The following CAPZA2 variants were observed in gnomAD, a reference collection of about 807,000 sequenced individuals.
CAPZA2 encodes the protein capping actin protein of muscle Z-line subunit alpha 2, also known as F-actin-capping protein subunit alpha-2.
Under a neutral mutation model 44.0 loss-of-function variants are expected in CAPZA2, and 13 were observed. The ratio of observed to expected loss-of-function variants is 0.30; its 90% CI spans 0.19 to 0.47. The LOEUF (loss-of-function observed/expected upper bound fraction) is 0.47, where lower values mean the gene tolerates loss of function less well. Ranked by LOEUF, CAPZA2 falls within the 20% of genes least tolerant of loss-of-function variation. The pLI is 1.00. For synonymous variants in CAPZA2, 94 were observed against 108.2 expected (o/e 0.87, Z 0.81); for missense variants, 244 against 338.6 (o/e 0.72, Z 2.19).
At chr7:116,890,799 AG>A (rs1376167264) in intron 2 of CAPZA2, among the ~76,000 whole-genome samples, 78 of 144,814 alleles carry the variant, frequency 5.4e-4, no homozygotes, top group African/African-American at 1.4e-3. Flanking sequence ...AAAAAAAAAA[AG>A]AGTTAGAAAA....
intron 2 of CAPZA2, 73 bp from the exon 3 acceptor site, chr7:116,892,921 C>A: frequency 9.2e-7 from 1 of 1,088,152 alleles, no homozygotes; most frequent in South Asian, 1.6e-5. Flanking sequence ...AATACATCAC[C>A]AAAACAATCT....
chr7:116,869,312 A>G (rs1005383655), intron 1 of CAPZA2, among the ~76,000 whole-genome samples: 1 of 152,228 alleles, frequency 6.6e-6, no homozygotes, highest in Admixed American at 6.5e-5. Context: ...TTGAGGATTA[A>G]GTATAGTTTT....
In CAPZA2 at chr7:116,917,804, C is replaced by T. The variant is rs2115992149; in HGVS notation, c.798C>T (p.Arg266=). 1 of 1,610,728 alleles carries T rather than the reference C, an allele frequency of 6.2e-7. No individual in the cohort carries two copies. Among genetic ancestry groups the T allele is most frequent in the African/African-American group, 1.3e-5 (1 of 74,968 alleles). Residue 266 remains arginine (R), a synonymous_variant, in exon 10 of 10, where the codon CGC becomes CGT. Coordinates refer to ENST00000361183, the MANE Select transcript of CAPZA2 (RefSeq NM_006136.3). Reference sequence around the variant, plus strand: ...TACGTCGACAGTTGCCAGTTACACGCACTAAGATTGATTGGAACAAGATCC... The same window carrying T: ...TACGTCGACAGTTGCCAGTTACACGTACTAAGATTGATTGGAACAAGATCC... ...KALRRQLPVT[R]TKIDWNKILS...
At chr7:116,865,995 A>G (rs139773131) in intron 1 of CAPZA2, among the ~76,000 whole-genome samples, 1 of 152,362 alleles carries the variant, frequency 6.6e-6, no homozygotes, top group East Asian at 1.9e-4. Context: ...ACTGATAGGA[A>G]GCATTTTAGA....
intron 1 of CAPZA2, among the ~76,000 whole-genome samples, chr7:116,873,033 T>C (rs1796571683): frequency 6.6e-6 from 1 of 152,152 alleles, no homozygotes. Flanking sequence ...TCCAGGTGAG[T>C]CTGACTGCCG....
At chr7:116,890,547 T>C (rs1371390222) in intron 2 of CAPZA2, among the ~76,000 whole-genome samples, 2 of 13,052 alleles carry the variant, frequency 1.5e-4, no homozygotes, top group African/African-American at 4.8e-4. Flanking sequence ...TATATATATA[T>C]ATATATATAT....
chr7:116,885,326 T>C (rs1796749480), intron 1 of CAPZA2, among the ~76,000 whole-genome samples: 1 of 151,978 alleles, frequency 6.6e-6, no homozygotes, highest in African/African-American at 2.4e-5. Context: ...AAAACACCTA[T>C]GTTTTTTTTT....
intron 3 of CAPZA2, among the ~76,000 whole-genome samples, chr7:116,896,981 TG>T (rs1796935945): frequency 6.6e-6 from 1 of 152,186 alleles, no homozygotes; most frequent in South Asian, 2.1e-4. Flanking sequence ...CACTGTACTG[TG>T]TAATTGTCAC....
intron 2 of CAPZA2, among the ~76,000 whole-genome samples, chr7:116,890,575 T>C (rs1249430417): frequency 9.2e-5 from 2 of 21,660 alleles, no homozygotes; most frequent in East Asian, 1.3e-3. Flanking sequence ...TATACACATA[T>C]ATATATATAT....
At chr7:116,864,533 A>G (rs184408859) in intron 1 of CAPZA2, among the ~76,000 whole-genome samples, 51 of 152,294 alleles carry the variant, frequency 3.3e-4, no homozygotes, top group Non-Finnish European at 5.6e-4. Context: ...TTTTATCACT[A>G]TATTTACTAA....
intron 1 of CAPZA2, among the ~76,000 whole-genome samples, chr7:116,866,243 C>T (rs1796481164): frequency 6.6e-6 from 1 of 150,626 alleles, no homozygotes; most frequent in African/African-American, 2.5e-5. Flanking sequence ...GGTATCTCGG[C>T]TCACTGCAAG....
At position 116,914,931 on chromosome 7, in the gene CAPZA2, T is replaced by C. The variant is rs541252955; in HGVS notation, c.658-1129T>C. 4.6e-5 allele frequency among the ~76,000 whole-genome samples: 7 copies of C among 152,316 alleles called. No homozygotes were observed. In the South Asian group the frequency reaches 1.0e-3, roughly 23 times the overall value. On this transcript the variant is annotated intron_variant, in intron 8 of 9. Coordinates refer to ENST00000361183, the MANE Select transcript of CAPZA2 (RefSeq NM_006136.3). ...TATGTAATTACTACATTCAATATTA[T>C]TGACATAACAAGGGTATGGTGCCGT...
intron 3 of CAPZA2, among the ~76,000 whole-genome samples, chr7:116,893,907 C>T (rs886108990): frequency 3.3e-5 from 5 of 152,228 alleles, no homozygotes; most frequent in African/African-American, 1.2e-4. Flanking sequence ...AATTGATTCT[C>T]TCCCTACTTC....
At chr7:116,901,085 A>G (rs1433186081) in intron 4 of CAPZA2, among the ~76,000 whole-genome samples, 2 of 152,074 alleles carry the variant, frequency 1.3e-5, no homozygotes, top group Non-Finnish European at 2.9e-5. Flanking sequence ...CAACTATTAT[A>G]GAAGACAGTG....
chr7:116,878,381 T>C (rs1022532876), intron 1 of CAPZA2, among the ~76,000 whole-genome samples: 2 of 152,210 alleles, frequency 1.3e-5, no homozygotes, highest in African/African-American at 4.8e-5. Flanking sequence ...TGGATCTCTG[T>C]TTTCTCTTTC....
chr7:116,910,856 T>C (rs1791582390), intron 7 of CAPZA2, among the ~76,000 whole-genome samples: 1 of 151,630 alleles, frequency 6.6e-6, no homozygotes, highest in South Asian at 2.1e-4. Context: ...ATACAAAAAA[T>C]TACACGTGCC....
intron 8 of CAPZA2, among the ~76,000 whole-genome samples, chr7:116,914,432 TACACACACACAC>T (rs71148345): frequency 3.2e-4 from 46 of 145,234 alleles, no homozygotes; most frequent in East Asian, 1.6e-3. Context: ...TATACATACA[TACACACACACAC>T]ACACACACAC....
intron 1 of CAPZA2, among the ~76,000 whole-genome samples, chr7:116,876,925 G>T (rs1010635894): frequency 7.2e-5 from 11 of 152,190 alleles, no homozygotes; most frequent in Non-Finnish European, 1.6e-4. Context: ...GTATCAAGAG[G>T]GTGGAGTGAT....
chr7:116,916,396 A>G (rs1791679501), intron 9 of CAPZA2, among the ~76,000 whole-genome samples: 1 of 152,232 alleles, frequency 6.6e-6, no homozygotes, highest in Admixed American at 6.5e-5. Context: ...AAGCCGAGGC[A>G]GGTGGATCAC....
Sources: gnomAD v4.1 joint callset for allele counts (sites outside exome capture counted in the v4.1 genomes callset) on GRCh38, gnomAD v4.1.1 for gene constraint, MANE v1.5 for transcripts, NCBI Gene and HGNC (gene_info 2026-07-23, HGNC 2026-07-21) for gene names.